Variants in NECTIN3 observed in about 807,000 individuals in gnomAD.
The protein encoded by NECTIN3 is nectin cell adhesion molecule 3, also known as nectin-3.
In NECTIN3, 8 loss-of-function variants were observed where a neutral mutation model predicts 49.4. The ratio of observed to expected loss-of-function variants is 0.16; its 90% confidence interval spans 0.10 to 0.29. The LOEUF (loss-of-function observed/expected upper bound fraction) is 0.29. Ranked by LOEUF, NECTIN3 falls within the 10% of genes least tolerant of loss-of-function variation. NECTIN3 has a pLI of 1.00. For synonymous variants in NECTIN3, 277 were observed against 241.1 expected (o/e 1.15, Z -1.38); for missense variants, 581 against 654.6 (o/e 0.89, Z 1.23).
At position 111,137,299 on chromosome 3, in the gene NECTIN3, G is replaced by C; in HGVS notation, c.*3084G>C. ...CTAATAGGAGAGTAGATTGTAGATT[G>C]AATTGTCTTTCCTGTTTACTTGTTA... On this transcript the variant is annotated 3_prime_UTR_variant, in exon 6 of 6. Transcript: ENST00000485303. 1.0e-6 allele frequency: 1 copy of C among 968,230 alleles called. No homozygotes were observed. The highest frequency in any genetic ancestry group is 1.2e-6 in the Non-Finnish European group (1 of 814,636). 60.0% of individuals were successfully genotyped at this position (968,230 alleles called of 1,614,324 possible). A position where few individuals can be genotyped will look rare whatever the true frequency, so the allele number is the denominator to read the frequency against.
At chr3:111,130,304 T>C in intron 5 of NECTIN3, among the ~76,000 whole-genome samples, 1 of 151,740 alleles carries the variant, frequency 6.6e-6, no homozygotes, top group Non-Finnish European at 1.5e-5. Flanking sequence ...TTTACTTTTC[T>C]ATCCAGAGTC....
At chr3:111,167,087 C>G (rs912514490) in intron 7 of NECTIN3, among the ~76,000 whole-genome samples, 3 of 151,456 alleles carry the variant, frequency 2.0e-5, no homozygotes, top group Admixed American at 2.0e-4. Flanking sequence ...GGTGATTCAC[C>G]CATTTGAGCT....
chr3:111,162,355 T>C (rs765069208), intron 7 of NECTIN3, among the ~76,000 whole-genome samples: 52 of 152,122 alleles, frequency 3.4e-4, no homozygotes, highest in Non-Finnish European at 6.3e-4. Context: ...AACTGAATCA[T>C]GGGGGCAGGT....
At chr3:111,102,856 A>G (rs2032983667) in intron 1 of NECTIN3, among the ~76,000 whole-genome samples, 1 of 152,076 alleles carries the variant, frequency 6.6e-6, no homozygotes. Flanking sequence ...AGAATTATTT[A>G]TTTGTATGTG....
chr3:111,093,610 A>AT (rs2032404930), intron 1 of NECTIN3, among the ~76,000 whole-genome samples: 1 of 151,730 alleles, frequency 6.6e-6, no homozygotes. Context: ...AATTTTTTGT[A>AT]TTTTTAGTAG....
At chr3:111,150,483 G>A (rs1406006940) in intron 7 of NECTIN3, among the ~76,000 whole-genome samples, 1 of 151,904 alleles carries the variant, frequency 6.6e-6, no homozygotes, top group Non-Finnish European at 1.5e-5. Context: ...ATTTGTGTAT[G>A]TGTGTGTAAT....
chr3:111,144,763 T>G, intron 5 of NECTIN3: 5 of 890,538 alleles, frequency 5.6e-6, no homozygotes, highest in South Asian at 1.9e-5. Flanking sequence ...ACCTAATGAA[T>G]GAAATTTGGG....
chr3:111,138,302 G>A (rs1008390957), downstream of NECTIN3, among the ~76,000 whole-genome samples: 1 of 151,452 alleles, frequency 6.6e-6, no homozygotes, highest in Non-Finnish European at 1.5e-5. Context: ...GTTAGACTGG[G>A]TTGTTTTGTT....
chr3:111,112,970 A>G (rs2033536673), intron 2 of NECTIN3, among the ~76,000 whole-genome samples: 2 of 152,208 alleles, frequency 1.3e-5, no homozygotes, highest in Non-Finnish European at 2.9e-5. Flanking sequence ...GGAAATGCTG[A>G]TAAGTACTTT....
chr3:111,137,782 T>TA (rs1290246286), downstream of NECTIN3, among the ~76,000 whole-genome samples: 6 of 150,432 alleles, frequency 4.0e-5, no homozygotes, highest in African/African-American at 1.5e-4. Context: ...TTTTTTTTTT[T>TA]TTTTTTTGGT....
At position 111,137,485 on chromosome 3, in the gene NECTIN3, C is replaced by A; in HGVS notation, c.*3270C>A. Reference sequence around the variant, plus strand: ...GTTTTGTTTTTTCTTTTTTAACCAACCTGTGTATTAGGTGTTAGCCCCAAT... The same window carrying A: ...GTTTTGTTTTTTCTTTTTTAACCAAACTGTGTATTAGGTGTTAGCCCCAAT... On this transcript the variant is annotated 3_prime_UTR_variant, in exon 6 of 6. Transcript: ENST00000485303. 1.1e-6 allele frequency: 1 copy of A among 925,648 alleles called. No homozygotes were observed. The highest frequency in any genetic ancestry group is 1.2e-6 in the Non-Finnish European group (1 of 802,192). The allele number at this position is 925,648 out of a possible 1,614,324, so 57.3% of individuals were successfully genotyped here.
At chr3:111,111,857 G>A (rs1283298153) in intron 1 of NECTIN3, among the ~76,000 whole-genome samples, 173 bp from the exon 2 acceptor site, 2 of 151,264 alleles carry the variant, frequency 1.3e-5, no homozygotes, top group African/African-American at 4.9e-5. Flanking sequence ...TCAGTTGTAC[G>A]TTTTGTGTGT....
Position 111,133,987 on chromosome 3 carries a change from C to T in NECTIN3, c.1422C>T (p.Asn474=). Residue 474 remains asparagine, a synonymous_variant, in exon 6 of 6, where the codon AAC becomes AAT. Transcript: ENST00000485303. ...DSYPDSVKKE[N]KNPVNNLIRK... ...ACCCAGACAGTGTAAAAAAAGAAAA[C>T]AAAAATCCAGTGAACAATCTAATAC... The T allele has an allele frequency of 1.9e-6, 3 of 1,612,808 alleles. No homozygotes were observed. The South Asian group carries it at 3.3e-5, about 18-fold the overall frequency.
At chr3:111,103,576 TAATA>T (rs928584676) in intron 1 of NECTIN3, among the ~76,000 whole-genome samples, 4 of 151,942 alleles carry the variant, frequency 2.6e-5, no homozygotes, top group South Asian at 2.1e-4. Flanking sequence ...TTTTATTTCT[TAATA>T]AATAAAGAAA....
At position 111,071,936 on chromosome 3, in the gene NECTIN3, C is replaced by A; in HGVS notation, c.-82C>A. ...GGGGACGCGCGCGCCGGACCTTCCACAGCCTCCGCCCAGAGCCTGAGGCGC... is the reference window on the plus strand; with the variant it reads ...GGGGACGCGCGCGCCGGACCTTCCAAAGCCTCCGCCCAGAGCCTGAGGCGC... On this transcript the variant is annotated 5_prime_UTR_variant, in exon 1 of 6. Coordinates refer to ENST00000485303, the MANE Select transcript of NECTIN3 (RefSeq NM_015480.3). The A allele has an allele frequency of 1.9e-6, 2 of 1,044,424 alleles. No individual in the cohort carries two copies. Among genetic ancestry groups the A allele is most frequent in the Non-Finnish European group, 2.5e-6 (2 of 789,586 alleles). 64.7% of individuals were successfully genotyped at this position (1,044,424 alleles called of 1,614,324 possible).
chr3:111,101,959 A>T (rs2032929539), intron 1 of NECTIN3, among the ~76,000 whole-genome samples: 1 of 152,194 alleles, frequency 6.6e-6, no homozygotes, highest in African/African-American at 2.4e-5. Flanking sequence ...AGCTTATGAA[A>T]AGATGAGCCT....
At chr3:111,142,996 G>A (rs1559806207) in intron 5 of NECTIN3, among the ~76,000 whole-genome samples, 2 of 151,856 alleles carry the variant, frequency 1.3e-5, no homozygotes, top group Admixed American at 1.3e-4. Context: ...GACTAGAGAT[G>A]TATGACCTTG....
At chr3:111,155,173 T>C (rs1228303095) in intron 7 of NECTIN3, among the ~76,000 whole-genome samples, 2 of 152,198 alleles carry the variant, frequency 1.3e-5, no homozygotes, top group African/African-American at 4.8e-5. Context: ...CTTGACTTCT[T>C]GATCCGCCTG....
At chr3:111,189,946 G>A (rs866705141), upstream of NECTIN3, among the ~76,000 whole-genome samples, 5 of 152,206 alleles carry the variant, frequency 3.3e-5, no homozygotes, top group South Asian at 2.1e-4. Flanking sequence ...GGGACAGGGA[G>A]GGGGAGGCCA....
Sources: allele counts gnomAD v4.1 joint callset (sites outside exome capture counted in the v4.1 genomes callset), GRCh38; gene constraint gnomAD v4.1.1; transcripts MANE v1.5; gene names NCBI Gene and HGNC (gene_info 2026-07-23, HGNC 2026-07-21).